The following CNTLN variants were observed in gnomAD, a reference collection of about 807,000 sequenced individuals.
CNTLN encodes centlein.
Under a neutral mutation model 180.0 loss-of-function variants are expected in CNTLN, and 212 were observed. That is an observed-to-expected ratio of 1.18 (90% CI 1.05 to 1.32). The LOEUF is 1.32. Among genes scored for constraint, CNTLN ranks in the 40% most tolerant of loss-of-function variants. The pLI is 0.00. For missense variants in CNTLN, 2,095 were observed against 1,610.9 expected, an observed-to-expected ratio of 1.30 and a Z score of -5.14; for synonymous variants, 722 against 563.1, an observed-to-expected ratio of 1.28 and a Z score of -3.99.
chr9:17,253,307 A>G (rs1392490103), intron 5 of CNTLN, among the ~76,000 whole-genome samples: 1 of 151,658 alleles, frequency 6.6e-6, no homozygotes, highest in South Asian at 2.1e-4. Context: ...TCTGTGAAAA[A>G]TGATGTTGGT....
At chr9:17,384,290 G>GGA (rs375046567) in intron 13 of CNTLN, among the ~76,000 whole-genome samples, 2 of 148,388 alleles carry the variant, frequency 1.3e-5, no homozygotes, top group Non-Finnish European at 3.0e-5. Flanking sequence ...TAAATAAAAT[G>GGA]AAAAAAAAAA....
intron 7 of CNTLN, chr9:17,300,356 G>T (rs1344671800): frequency 6.6e-6 from 1 of 151,942 alleles, no homozygotes. Flanking sequence ...ATCTACCTTG[G>T]ATCTCTTCTG....
chr9:17,242,795 G>A (rs2132209932), intron 5 of CNTLN, among the ~76,000 whole-genome samples: 2 of 152,220 alleles, frequency 1.3e-5, no homozygotes, highest in South Asian at 4.2e-4. Flanking sequence ...CAGGAATATT[G>A]GCCTGTAGTT....
At chr9:17,528,249 C>G in the CNTLN span, among the ~76,000 whole-genome samples, 1 of 152,312 alleles carries the variant, frequency 6.6e-6, no homozygotes, top group Middle Eastern at 3.4e-3. Context: ...AGAAACCTGA[C>G]AAACACTACC....
intron 2 of CNTLN, among the ~76,000 whole-genome samples, chr9:17,214,736 T>C (rs1823607324): frequency 6.6e-6 from 1 of 152,232 alleles, no homozygotes; most frequent in Non-Finnish European, 1.5e-5. Flanking sequence ...ATGTATTTCT[T>C]GGAGGCTTTG....
chr9:17,419,266 A>T (rs1346053472), intron 18 of CNTLN, among the ~76,000 whole-genome samples: 1 of 152,140 alleles, frequency 6.6e-6, no homozygotes, highest in Non-Finnish European at 1.5e-5. Flanking sequence ...TATCATTGTA[A>T]AATATTCTAA....
intron 13 of CNTLN, among the ~76,000 whole-genome samples, chr9:17,370,226 G>T (rs764165865): frequency 1.3e-5 from 2 of 152,098 alleles, no homozygotes; most frequent in Non-Finnish European, 2.9e-5. Flanking sequence ...CACCAAGCAG[G>T]TTTAACCCAA....
chr9:17,140,762 A>AT (rs950958210), intron 1 of CNTLN, among the ~76,000 whole-genome samples: 1 of 152,152 alleles, frequency 6.6e-6, no homozygotes, highest in Non-Finnish European at 1.5e-5. Flanking sequence ...AATTAGCTTG[A>AT]TTTAACCATT....
At chr9:17,449,348 C>A (rs1381812953) in intron 18 of CNTLN, among the ~76,000 whole-genome samples, 1 of 151,006 alleles carries the variant, frequency 6.6e-6, no homozygotes, top group Non-Finnish European at 1.5e-5. Context: ...CAATTCCCAC[C>A]TATGAGTGAG....
chr9:17,406,161 C>T (rs1827372881), intron 15 of CNTLN, among the ~76,000 whole-genome samples: 1 of 151,834 alleles, frequency 6.6e-6, no homozygotes, highest in Admixed American at 6.6e-5. Context: ...AAGCTTGATA[C>T]CATCTTTGAT....
At chr9:17,180,380 A>G (rs1189686108) in intron 2 of CNTLN, among the ~76,000 whole-genome samples, 3 of 140,724 alleles carry the variant, frequency 2.1e-5, no homozygotes, top group Non-Finnish European at 4.6e-5. Flanking sequence ...TATATTATAT[A>G]TACATAACTT....
chr9:17,473,999 C>G (rs566816970), intron 23 of CNTLN, among the ~76,000 whole-genome samples: 79 of 152,270 alleles, frequency 5.2e-4, no homozygotes, highest in African/African-American at 1.9e-3. Context: ...GACTTCTTTG[C>G]TAGTTCTCAT....
the CNTLN span, among the ~76,000 whole-genome samples, chr9:17,523,339 G>A: frequency 3.4e-4 from 52 of 152,216 alleles, no homozygotes; most frequent in Middle Eastern, 3.4e-3. Context: ...TGGTTCAAGC[G>A]ATTCTGCTGC....
At chr9:17,207,788 T>C (rs948023846) in intron 2 of CNTLN, among the ~76,000 whole-genome samples, 2 of 152,178 alleles carry the variant, frequency 1.3e-5, no homozygotes, top group Admixed American at 1.3e-4. Flanking sequence ...CCTATTTGGC[T>C]ATCTTTTCCC....
chr9:17,162,030 T>C, intron 2 of CNTLN, among the ~76,000 whole-genome samples: 1 of 152,228 alleles, frequency 6.6e-6, no homozygotes, highest in Non-Finnish European at 1.5e-5. Context: ...TGAAGACCTG[T>C]GCTAGTAAGG....
intron 2 of CNTLN, among the ~76,000 whole-genome samples, chr9:17,194,901 C>T (rs925355939): frequency 4.1e-4 from 62 of 152,066 alleles, no homozygotes; most frequent in Non-Finnish European, 1.5e-4. Flanking sequence ...TATGTGGCAG[C>T]GACGAGAAAA....
intron 25 of CNTLN, among the ~76,000 whole-genome samples, chr9:17,496,766 C>G (rs567633250): frequency 1.3e-5 from 2 of 152,286 alleles, no homozygotes; most frequent in African/African-American, 4.8e-5. Context: ...GGACTGTAGA[C>G]TCTTAAAGCA....
chr9:17,174,356 A>C (rs1234697570), intron 2 of CNTLN, among the ~76,000 whole-genome samples: 1 of 152,170 alleles, frequency 6.6e-6, no homozygotes, highest in African/African-American at 2.4e-5. Flanking sequence ...ATAAATGGCC[A>C]GGAGTGTAAT....
At chr9:17,193,982 A>T (rs995989809) in intron 2 of CNTLN, among the ~76,000 whole-genome samples, 1 of 152,246 alleles carries the variant, frequency 6.6e-6, no homozygotes, top group African/African-American at 2.4e-5. Context: ...TGGGGCTTGC[A>T]CTCTCTGAAG....
Sources: allele counts gnomAD v4.1 joint callset (sites outside exome capture counted in the v4.1 genomes callset), GRCh38; gene constraint gnomAD v4.1.1; transcripts MANE v1.5; gene names NCBI Gene and HGNC (gene_info 2026-07-23, HGNC 2026-07-21).